KLHL32: variants seen among roughly 807,000 people sequenced by gnomAD.
KLHL32 encodes the protein kelch-like protein 32.
A neutral mutation model predicts 64.8 loss-of-function variants in KLHL32; 35 were observed. The ratio of observed to expected loss-of-function variants is 0.54; its 90% confidence interval spans 0.41 to 0.72. KLHL32 has a LOEUF of 0.72. Among genes scored for constraint, KLHL32 ranks in the 30% least tolerant of loss-of-function variants. The pLI is 0.00. For missense variants in KLHL32, 589 were observed against 768.5 expected, an observed-to-expected ratio of 0.77 and a Z score of 2.76; for synonymous variants, 259 against 281.0, an observed-to-expected ratio of 0.92 and a Z score of 0.78.
At chr6:96,923,026 A>G (rs1768801572), upstream of KLHL32, among the ~76,000 whole-genome samples, 5 of 152,334 alleles carry the variant, frequency 3.3e-5, no homozygotes, top group Non-Finnish European at 7.4e-5. Flanking sequence ...ACATTGTGCT[A>G]GGGCCAGGAG....
At chr6:97,037,794 A>T (rs1267460881) in intron 3 of KLHL32, among the ~76,000 whole-genome samples, 2 of 152,240 alleles carry the variant, frequency 1.3e-5, no homozygotes, top group Non-Finnish European at 2.9e-5. Flanking sequence ...ATAGTAACTA[A>T]ATTAGCCTGG....
At chr6:97,127,366 A>G (rs1562364945) in intron 7 of KLHL32, 38 bp from the exon 8 acceptor site, 1 of 1,520,224 alleles carries the variant, frequency 6.6e-7, no homozygotes, top group Admixed American at 1.7e-5. Flanking sequence ...CCTATTTTTT[A>G]TTCATGAAAA....
chr6:97,059,684 A>G (rs908385126), intron 4 of KLHL32, among the ~76,000 whole-genome samples: 15 of 151,928 alleles, frequency 9.9e-5, no homozygotes, highest in African/African-American at 3.6e-4. Flanking sequence ...AGTGGTTTTG[A>G]AACTAAAACT....
intron 4 of KLHL32, among the ~76,000 whole-genome samples, chr6:97,056,428 G>C (rs963654404): frequency 6.6e-6 from 1 of 151,814 alleles, no homozygotes; most frequent in Admixed American, 6.6e-5. Flanking sequence ...ATTCTCTCTT[G>C]GCCTTTGTAA....
intron 3 of KLHL32, among the ~76,000 whole-genome samples, chr6:97,003,017 C>T (rs1032614197): frequency 2.6e-5 from 4 of 151,986 alleles, no homozygotes; most frequent in Non-Finnish European, 5.9e-5. Flanking sequence ...GGGTATGTAC[C>T]CAATAATGTG....
At chr6:96,919,521 T>C in the KLHL32 span, among the ~76,000 whole-genome samples, 1 of 152,240 alleles carries the variant, frequency 6.6e-6, no homozygotes, top group African/African-American at 2.4e-5. Context: ...GGTTTATATA[T>C]GGGTGAAGTT....
intron 4 of KLHL32, among the ~76,000 whole-genome samples, chr6:97,048,318 G>A (rs1786253238): frequency 6.6e-6 from 1 of 152,118 alleles, no homozygotes; most frequent in Admixed American, 6.5e-5. Context: ...TTATTATTCA[G>A]TAACTCCAGC....
chr6:96,934,651 C>G (rs755233043), intron 1 of KLHL32, among the ~76,000 whole-genome samples: 1 of 152,170 alleles, frequency 6.6e-6, no homozygotes, highest in Non-Finnish European at 1.5e-5. Context: ...ACTAATTAGG[C>G]GGATTGCTGC....
chr6:96,961,736 A>C (rs1032216119), intron 1 of KLHL32, among the ~76,000 whole-genome samples: 1 of 152,176 alleles, frequency 6.6e-6, no homozygotes, highest in Non-Finnish European at 1.5e-5. Flanking sequence ...CTTCTGCACA[A>C]GGGTAATTGA....
chr6:97,105,121 TA>T (rs35115401), intron 6 of KLHL32, among the ~76,000 whole-genome samples: 2,726 of 152,272 alleles, frequency 0.018, 77 homozygotes, highest in African/African-American at 0.063. Context: ...ATTAAAAGGA[TA>T]ACATGCTAAA....
At chr6:96,911,088 C>T in the KLHL32 span, among the ~76,000 whole-genome samples, 2 of 152,166 alleles carry the variant, frequency 1.3e-5, no homozygotes, top group African/African-American at 4.8e-5. Flanking sequence ...CTAGGGTTGC[C>T]GTAACAAAGT....
intron 1 of KLHL32, among the ~76,000 whole-genome samples, chr6:96,958,848 G>T (rs1773571795): frequency 6.6e-6 from 1 of 152,122 alleles, no homozygotes. Context: ...ATCACCCTAA[G>T]TTATGCAGAA....
intron 1 of KLHL32, among the ~76,000 whole-genome samples, chr6:96,927,912 C>T (rs570965754): frequency 2.0e-5 from 3 of 152,338 alleles, no homozygotes; most frequent in East Asian, 1.9e-4. Context: ...ACTTCCATAT[C>T]GGCTTCACAA....
rs1460832094 is a variant in KLHL32 at position 97,114,267 on chromosome 6, A to G, written c.1112A>G (p.Tyr371Cys). The change falls in exon 7 of 11, where the codon TAT becomes TGT. Residue 371 changes from tyrosine to cysteine, a missense_variant. Transcript: ENST00000369261. The stretch of plus-strand genomic sequence containing the variant: ...TGTGCTGTGAGGACTGCCTGTCGCT[A>G]TGACCCCCGCAGTAATTCCTGGGCA... ...RTCAVRTACR[Y>C]DPRSNSWAEI... The G allele has an allele frequency of 6.2e-7, 1 of 1,614,146 alleles. No homozygotes were observed. The highest frequency in any genetic ancestry group is 2.2e-5 in the East Asian group (1 of 44,866).
intron 1 of KLHL32, among the ~76,000 whole-genome samples, chr6:96,945,976 G>A (rs925913152): frequency 1.3e-5 from 2 of 152,158 alleles, no homozygotes; most frequent in African/African-American, 2.4e-5. Context: ...AGTTATGGGT[G>A]TGGGGTATAA....
At chr6:96,933,384 T>C (rs1770181290) in intron 1 of KLHL32, among the ~76,000 whole-genome samples, 1 of 152,184 alleles carries the variant, frequency 6.6e-6, no homozygotes, top group Admixed American at 6.5e-5. Context: ...AAACTTAGAG[T>C]GCCTCAGTCA....
At chr6:96,913,805 C>A in the KLHL32 span, among the ~76,000 whole-genome samples, 1 of 152,202 alleles carries the variant, frequency 6.6e-6, no homozygotes, top group East Asian at 1.9e-4. Flanking sequence ...GCAGGCCAGG[C>A]TGGCACTGTC....
Position 97,127,291 on chromosome 6 carries a change from T to C in KLHL32, c.1355-113T>C, listed in dbSNP as rs1798973867. ...ATGTCATGGGCTCACCATGAGGGTA[T>C]ACAAACAGATCCTCAGCAGTAGCTA... On this transcript the variant is annotated intron_variant, in intron 7 of 10. Coordinates refer to ENST00000369261, the MANE Select transcript of KLHL32 (RefSeq NM_052904.4). The C allele has an allele frequency of 3.3e-5, 28 of 838,656 alleles. No individual in the cohort carries two copies. The East Asian group carries it at 6.6e-4, about 20-fold the overall frequency. The allele number at this position is 838,656 out of a possible 1,614,324, so 52.0% of individuals were successfully genotyped here. A position where few individuals can be genotyped will look rare whatever the true frequency, so the allele number is the denominator to read the frequency against.
intron 7 of KLHL32, among the ~76,000 whole-genome samples, chr6:97,123,842 G>C (rs1798616815): frequency 1.3e-5 from 2 of 152,168 alleles, no homozygotes; most frequent in Non-Finnish European, 2.9e-5. Flanking sequence ...AAATCAGCTT[G>C]ATGACTTTCA....
Sources: gnomAD v4.1 joint callset for allele counts (sites outside exome capture counted in the v4.1 genomes callset) on GRCh38, gnomAD v4.1.1 for gene constraint, MANE v1.5 for transcripts, NCBI Gene and HGNC (gene_info 2026-07-23, HGNC 2026-07-21) for gene names.